USH2A: variants seen among roughly 807,000 people sequenced by gnomAD.
USH2A encodes Usher syndrome 2A (autosomal recessive, mild).
USH2A carries 443 observed loss-of-function variants against 538.9 expected under a neutral mutation model. The observed-to-expected ratio is 0.82, with a 90% confidence interval of 0.76 to 0.89. USH2A has a LOEUF of 0.89. USH2A is among the 40% of genes least tolerant of loss of function. USH2A has a pLI of 0.00. For synonymous variants in USH2A, 2,413 were observed against 2,273.5 expected, an observed-to-expected ratio of 1.06 and a Z score of -1.75; for missense variants, 6,633 against 6,324.8, an observed-to-expected ratio of 1.05 and a Z score of -1.65.
intron 26 of USH2A, chr1:216,079,971 G>A (rs2031881942): frequency 6.6e-6 from 1 of 152,108 alleles, no homozygotes; most frequent in Non-Finnish European, 1.5e-5. Context: ...CTAGGAGGGT[G>A]TTCTGCCATC....
chr1:215,797,752 T>G (rs1248401127), intron 50 of USH2A, among the ~76,000 whole-genome samples: 1 of 152,202 alleles, frequency 6.6e-6, no homozygotes, highest in Non-Finnish European at 1.5e-5. Flanking sequence ...ACAATTCATC[T>G]GGTCACTCAA....
At chr1:216,168,579 C>T (rs187156895) in intron 21 of USH2A, among the ~76,000 whole-genome samples, 1 of 152,080 alleles carries the variant, frequency 6.6e-6, no homozygotes, top group Non-Finnish European at 1.5e-5. Flanking sequence ...CCTAAATAGA[C>T]CCCCTTCTTG....
intron 46 of USH2A, among the ~76,000 whole-genome samples, chr1:215,840,597 G>T (rs1663651831): frequency 6.6e-6 from 1 of 152,160 alleles, no homozygotes. Flanking sequence ...ACTCAAACCA[G>T]TAGTGGTATA....
chr1:216,255,152 A>G (rs950093334), intron 11 of USH2A, among the ~76,000 whole-genome samples: 3 of 152,168 alleles, frequency 2.0e-5, no homozygotes, highest in African/African-American at 7.2e-5. Context: ...TCTTGGTCTT[A>G]TAAATTTGGG....
chr1:216,115,558 T>C (rs1035944654), intron 21 of USH2A, among the ~76,000 whole-genome samples: 4 of 152,192 alleles, frequency 2.6e-5, no homozygotes, highest in African/African-American at 9.6e-5. Context: ...AAGTACATTA[T>C]AAAAATATAC....
chr1:216,005,551 G>A (rs1339582694), intron 32 of USH2A, among the ~76,000 whole-genome samples: 1 of 152,014 alleles, frequency 6.6e-6, no homozygotes, highest in Non-Finnish European at 1.5e-5. Context: ...ATATCCCCAT[G>A]CCCTCTACCC....
intron 32 of USH2A, among the ~76,000 whole-genome samples, chr1:216,022,130 T>C (rs1380794009): frequency 4.6e-5 from 7 of 152,126 alleles, no homozygotes; most frequent in Non-Finnish European, 7.4e-5. Context: ...CAGAATCAGA[T>C]GCTGCCATGC....
At chr1:216,052,644 T>G (rs1452604032) in intron 30 of USH2A, among the ~76,000 whole-genome samples, 2 of 152,210 alleles carry the variant, frequency 1.3e-5, no homozygotes, top group Admixed American at 1.3e-4. Flanking sequence ...TGGTTCACTG[T>G]GCTTTCTCCT....
At chr1:215,641,829 ATTG>A (rs1389383233) in intron 67 of USH2A, among the ~76,000 whole-genome samples, 7 of 152,328 alleles carry the variant, frequency 4.6e-5, no homozygotes, top group East Asian at 1.9e-4. Context: ...GACACAGTTG[ATTG>A]TTATCTTTCA....
chr1:216,050,898 C>T (rs1412912954), intron 30 of USH2A, among the ~76,000 whole-genome samples: 2 of 152,050 alleles, frequency 1.3e-5, no homozygotes, highest in African/African-American at 2.4e-5. Context: ...AGCCACTGTG[C>T]CCGGCCGGCC....
intron 30 of USH2A, among the ~76,000 whole-genome samples, chr1:216,054,271 T>A (rs2030896142): frequency 6.6e-6 from 1 of 152,210 alleles, no homozygotes; most frequent in African/African-American, 2.4e-5. Flanking sequence ...CAGACATTGT[T>A]TCTTTTGACT....
rs1666930357 is a variant in USH2A, at chr1:215,951,973, T to C, written c.7120+13344A>G. 2.6e-5 allele frequency among the ~76,000 whole-genome samples: 4 copies of C among 151,606 alleles called. No individual in the cohort carries two copies. The South Asian group carries it at 8.4e-4, about 32-fold the overall frequency. ...TCCGCTTCCCGGGTTCACGCCATTC[T>C]CCTGCCTCAGCCTCCCGAGTAGCTG... On this transcript the variant is annotated intron_variant, in intron 37 of 71. Transcript: ENST00000307340.
chr1:215,733,056 G>A (rs1285538067), intron 60 of USH2A, among the ~76,000 whole-genome samples: 2 of 151,986 alleles, frequency 1.3e-5, no homozygotes, highest in Non-Finnish European at 2.9e-5. Context: ...GATTTAACTG[G>A]CTCACAGTCC....
intron 21 of USH2A, among the ~76,000 whole-genome samples, chr1:216,166,959 G>T (rs1253241370): frequency 6.6e-6 from 1 of 151,944 alleles, no homozygotes; most frequent in Admixed American, 6.6e-5. Flanking sequence ...TGGCTTGAGG[G>T]TTTCTTCCTC....
chr1:216,217,025 G>A (rs1224440652), intron 15 of USH2A, among the ~76,000 whole-genome samples: 6 of 151,892 alleles, frequency 4.0e-5, no homozygotes, highest in Non-Finnish European at 8.8e-5. Flanking sequence ...ATGTCTTTGT[G>A]TCGGTGACCA....
chr1:215,843,843 C>T (rs999787721), intron 46 of USH2A, among the ~76,000 whole-genome samples: 9 of 151,976 alleles, frequency 5.9e-5, no homozygotes, highest in African/African-American at 9.7e-5. Flanking sequence ...TAGTCCATTG[C>T]GCTTACAAAA....
chr1:216,242,587 A>G (rs2035960516), intron 13 of USH2A, among the ~76,000 whole-genome samples: 1 of 152,110 alleles, frequency 6.6e-6, no homozygotes, highest in South Asian at 2.1e-4. Flanking sequence ...TAATATAAAA[A>G]GAAACAGGTT....
intron 16 of USH2A, among the ~76,000 whole-genome samples, chr1:216,200,583 A>C (rs1354606628): frequency 6.6e-6 from 1 of 152,232 alleles, no homozygotes; most frequent in African/African-American, 2.4e-5. Flanking sequence ...ACCTACAGAA[A>C]TTATAAATGT....
rs200981928 is a variant in USH2A, at chr1:216,323,585, A to G, written c.1439T>C (p.Val480Ala). The part of the protein sequence containing the change: ...FYNTPSLQEF[V>A]KATQIRFHFH... ...ATGAAACCTTATTTGCGTGGCTTTT[A>G]CGAACTCTTGAAGAGATGGGGTATT... Residue 480 changes from valine to alanine, a missense_variant, in exon 8 of 72, where the codon GTA (valine) becomes GCA (alanine). Coordinates refer to ENST00000307340, the MANE Select transcript of USH2A (RefSeq NM_206933.4). 5.6e-4 allele frequency: 906 copies of G among 1,613,624 alleles called. No individual in the cohort carries two copies. Among genetic ancestry groups the G allele is most frequent in the Non-Finnish European group, 7.5e-4 (881 of 1,179,752 alleles).
Sources: allele counts gnomAD v4.1 joint callset (sites outside exome capture counted in the v4.1 genomes callset), GRCh38; gene constraint gnomAD v4.1.1; transcripts MANE v1.5; gene names NCBI Gene and HGNC (gene_info 2026-07-23, HGNC 2026-07-21).